The following NHSL1 variants were observed in gnomAD, a reference collection of about 807,000 sequenced individuals.
The protein encoded by NHSL1 is NHS like 1, also known as NHS-like protein 1.
In NHSL1, 48 loss-of-function variants were observed where a neutral mutation model predicts 95.0. The observed-to-expected ratio is 0.51, with a 90% CI of 0.40 to 0.64. NHSL1 has a LOEUF of 0.64. NHSL1 is among the 30% of genes least tolerant of loss of function. The pLI, the probability that NHSL1 is intolerant of heterozygous loss-of-function variation, is 0.00. For synonymous variants in NHSL1, 783 were observed against 833.9 expected (o/e 0.94, Z 1.05); for missense variants, 1,971 against 2,077.7 (o/e 0.95, Z 1.00).
At chr6:138,464,923 G>A (rs1002524486) in intron 3 of NHSL1, among the ~76,000 whole-genome samples, 7 of 151,312 alleles carry the variant, frequency 4.6e-5, no homozygotes, top group African/African-American at 1.7e-4. Flanking sequence ...ATGTTGTCCA[G>A]GTTGGTCTCA....
chr6:138,689,629 A>G (rs963519550), intron 1 of NHSL1, among the ~76,000 whole-genome samples: 2 of 152,202 alleles, frequency 1.3e-5, no homozygotes, highest in Admixed American at 6.5e-5. Context: ...GCTGTCCCCA[A>G]CTGCTAGAGG....
rs561684049 is a variant in NHSL1 at position 138,616,936 on chromosome 6, G to A, written c.96+75540C>T. ...CACTAGCTTAAAGGAAGTGCTCCCAGCAGCTCTCAGAAGGACCTGGAAGTA... is the reference window on the plus strand; with the variant it reads ...CACTAGCTTAAAGGAAGTGCTCCCAACAGCTCTCAGAAGGACCTGGAAGTA... On this transcript the variant is annotated intron_variant, in intron 1 of 3. Transcript: ENST00000491526. Among the ~76,000 whole-genome samples the A allele has an allele frequency of 6.9e-4, 105 of 152,324 alleles. 1 individual carries two copies. The South Asian group carries it at 0.021, about 31-fold the overall frequency.
At chr6:138,601,920 C>T (rs1412966322) in intron 1 of NHSL1, among the ~76,000 whole-genome samples, 1 of 152,030 alleles carries the variant, frequency 6.6e-6, no homozygotes, top group Non-Finnish European at 1.5e-5. Context: ...AGAAAATGTA[C>T]ACACTTTAAC....
intron 1 of NHSL1, among the ~76,000 whole-genome samples, chr6:138,531,553 C>G (rs539890393): frequency 2.7e-5 from 4 of 149,412 alleles, no homozygotes; most frequent in South Asian, 2.1e-4. Context: ...GGGTCTTGCT[C>G]TGTTGCCCAG....
At chr6:138,484,526 G>A (rs536271052) in intron 2 of NHSL1, among the ~76,000 whole-genome samples, 13 of 152,132 alleles carry the variant, frequency 8.5e-5, no homozygotes, top group African/African-American at 2.7e-4. Context: ...TGTGGTCATC[G>A]GCTCAACAGT....
intron 1 of NHSL1, among the ~76,000 whole-genome samples, chr6:138,581,598 A>G (rs1583432732): frequency 6.7e-6 from 1 of 150,236 alleles, no homozygotes; most frequent in East Asian, 2.0e-4. Flanking sequence ...AGGCAGAGGC[A>G]GGAGAATCGC....
chr6:138,433,072 T>C lies in NHSL1; in HGVS notation c.1273A>G (p.Ile425Val), dbSNP rs770655237. Residue 425 changes from isoleucine (I) to valine (V), a missense_variant, in exon 6 of 8, where the codon ATC becomes GTC. Physicochemically the swap from Ile to Val is conservative, Grantham distance 29. Coordinates refer to ENST00000343505, the MANE Select transcript of NHSL1 (RefSeq NM_001144060.2). ...GCACTCTGAGCAGTGGGAATAGCGATGACCTCGGAAGAGGAAGACAGTGTG... is the reference window on the plus strand; with the variant it reads ...GCACTCTGAGCAGTGGGAATAGCGACGACCTCGGAAGAGGAAGACAGTGTG... ...NATLSSSSEV[I>V]AIPTAQSAGQ... 11 of 1,551,290 alleles carry C rather than the reference T, an allele frequency of 7.1e-6. No homozygotes were observed. The East Asian group carries it at 2.7e-4, about 38-fold the overall frequency.
At chr6:138,613,182 T>C (rs142093084) in intron 1 of NHSL1, among the ~76,000 whole-genome samples, 2 of 152,186 alleles carry the variant, frequency 1.3e-5, no homozygotes, top group South Asian at 4.1e-4. Flanking sequence ...GGCCAAAATA[T>C]TGGCCATTAG....
chr6:138,454,545 A>G (rs539346782), intron 3 of NHSL1, among the ~76,000 whole-genome samples: 1 of 152,236 alleles, frequency 6.6e-6, no homozygotes, highest in South Asian at 2.1e-4. Flanking sequence ...TCTAGGTTTA[A>G]ATCCTGGTTT....
intron 1 of NHSL1, among the ~76,000 whole-genome samples, chr6:138,638,018 C>T (rs1436057233): frequency 6.6e-6 from 1 of 152,108 alleles, no homozygotes; most frequent in Non-Finnish European, 1.5e-5. Context: ...CAATGGAGTA[C>T]TATTCAGCCA....
chr6:138,653,064 A>T (rs1209303777), intron 1 of NHSL1, among the ~76,000 whole-genome samples: 1 of 152,218 alleles, frequency 6.6e-6, no homozygotes, highest in Non-Finnish European at 1.5e-5. Context: ...TGCAGAGCTA[A>T]ACAGCTACCA....
rs552695905 is a variant in NHSL1, at chr6:138,464,261, G to A, written c.339+9045C>T. 378 of 805,470 alleles carry A rather than the reference G, an allele frequency of 4.7e-4. 1 individual carries two copies. In the African/African-American group the frequency reaches 5.4e-3, roughly 11 times the overall value. 49.9% of individuals were successfully genotyped at this position (805,470 alleles called of 1,614,324 possible). The stretch of plus-strand genomic sequence containing the variant: ...CACGGCCGGCACCGTCCTCCTCTCT[G>A]CCCACTTCCTGCTTTGGCAGACCCT... On this transcript the variant is annotated intron_variant, in intron 3 of 7. Coordinates refer to ENST00000343505, the MANE Select transcript of NHSL1 (RefSeq NM_001144060.2).
chr6:138,470,843 C>T (rs1583245234), intron 3 of NHSL1, among the ~76,000 whole-genome samples: 1 of 152,224 alleles, frequency 6.6e-6, no homozygotes, highest in South Asian at 2.1e-4. Context: ...CCAAGGAGAC[C>T]TGTCAAGGGT....
chr6:138,680,511 T>C (rs1329073035), intron 1 of NHSL1, among the ~76,000 whole-genome samples: 1 of 152,232 alleles, frequency 6.6e-6, no homozygotes, highest in Non-Finnish European at 1.5e-5. Context: ...GCAATTCACA[T>C]TTAGCATGTG....
rs1453836809 is a variant in NHSL1, at chr6:138,432,649, G to C, written c.1696C>G (p.Leu566Val). ...KSSGNGRASP[L>V]KPHLATPGYS... ...CCAGGAGTTGCTAAATGCGGCTTCAGGGGGGATGCCCTTCCATTACCTGAG... is the reference window on the plus strand; with the variant it reads ...CCAGGAGTTGCTAAATGCGGCTTCACGGGGGATGCCCTTCCATTACCTGAG... Residue 566 changes from leucine to valine, a missense_variant, in exon 6 of 8, where the codon CTG becomes GTG. Leu to Val is a conservative substitution (Grantham distance 32). This residue lies in a region of NHSL1 where 1,602 missense variants were observed against 1,654.5 expected (regional missense o/e 0.97). Coordinates refer to ENST00000343505, the MANE Select transcript of NHSL1 (RefSeq NM_001144060.2). The surrounding 1 kb of genome is among the most constrained non-coding windows in gnomAD (Gnocchi z 4.4). The C allele has an allele frequency of 1.9e-6, 3 of 1,551,488 alleles. No homozygotes were observed. The highest frequency in any genetic ancestry group is 1.7e-6 in the Non-Finnish European group (2 of 1,146,860).
chr6:138,432,668 A>G lies in NHSL1; in HGVS notation c.1677T>C (p.Gly559=), dbSNP rs1775783017. The G allele has an allele frequency of 1.3e-6, 2 of 1,551,608 alleles. No individual in the cohort carries two copies. Among genetic ancestry groups the G allele is most frequent in the Non-Finnish European group, 1.7e-6 (2 of 1,146,942 alleles). ...GCTTCAGGGGGGATGCCCTTCCATT[A>G]CCTGAGGATTTGTATTCCCAGGGCT... ...SSEPWEYKSS[G]NGRASPLKPH... is the part of the protein sequence containing the mutation. The change falls in exon 6 of 8, where the codon GGT becomes GGC. Residue 559 remains glycine, a synonymous_variant. Coordinates refer to ENST00000343505, the MANE Select transcript of NHSL1 (RefSeq NM_001144060.2). The surrounding 1 kb of genome is among the most constrained non-coding windows in gnomAD (Gnocchi z 4.4).
chr6:138,471,166 G>C (rs1583246077), intron 3 of NHSL1, among the ~76,000 whole-genome samples: 1 of 152,156 alleles, frequency 6.6e-6, no homozygotes, highest in African/African-American at 2.4e-5. Context: ...ACTTCCCTCA[G>C]AGTTGAGTGT....
intron 1 of NHSL1, among the ~76,000 whole-genome samples, chr6:138,627,396 T>C (rs1235330946): frequency 6.6e-6 from 1 of 152,260 alleles, no homozygotes; most frequent in Non-Finnish European, 1.5e-5. Flanking sequence ...ATATCCACTG[T>C]ATTAACATTA....
chr6:138,535,697 A>G (rs1170807970), intron 1 of NHSL1, among the ~76,000 whole-genome samples: 1 of 152,190 alleles, frequency 6.6e-6, no homozygotes, highest in Non-Finnish European at 1.5e-5. Context: ...GGTGGGGGAC[A>G]GGAATTTTGA....
Sources: gnomAD v4.1 joint callset for allele counts (sites outside exome capture counted in the v4.1 genomes callset) on GRCh38, gnomAD v4.1.1 for gene constraint, gnomAD v4.1.1 regional missense constraint, Gnocchi (gnomAD v3.1) non-coding constraint, MANE v1.5 for transcripts, NCBI Gene and HGNC (gene_info 2026-07-23, HGNC 2026-07-21) for gene names.